MECOM: variants seen among roughly 807,000 people sequenced by gnomAD.
MECOM encodes MDS1 and EVI1 complex locus.
Under a neutral mutation model 116.3 loss-of-function variants are expected in MECOM, and 13 were observed. The observed-to-expected ratio is 0.11, with a 90% CI of 0.07 to 0.18. The LOEUF (loss-of-function observed/expected upper bound fraction) is 0.18, where lower values mean the gene tolerates loss of function less well. Among genes scored for constraint, MECOM ranks in the 10% least tolerant of loss-of-function variants. The pLI is 1.00. For missense variants in MECOM, 1,299 were observed against 1,509.0 expected, an observed-to-expected ratio of 0.86 and a Z score of 2.31; for synonymous variants, 528 against 535.2, an observed-to-expected ratio of 0.99 and a Z score of 0.19.
intron 2 of MECOM, among the ~76,000 whole-genome samples, chr3:169,264,135 A>T (rs1405135214): frequency 1.3e-5 from 2 of 152,344 alleles, no homozygotes; most frequent in East Asian, 3.9e-4. Flanking sequence ...AAATGTTATG[A>T]CATACTACTT....
intron 1 of MECOM, among the ~76,000 whole-genome samples, chr3:169,601,357 C>T (rs567899584): frequency 6.6e-6 from 1 of 152,280 alleles, no homozygotes; most frequent in East Asian, 1.9e-4. Context: ...AACTATTCTC[C>T]ACAGCATCTC....
chr3:169,353,315 G>A (rs1310804155), intron 2 of MECOM, among the ~76,000 whole-genome samples: 1 of 151,748 alleles, frequency 6.6e-6, no homozygotes, highest in Non-Finnish European at 1.5e-5. Context: ...GGAAAATAAT[G>A]TTAATACTAT....
intron 2 of MECOM, chr3:169,149,603 G>A (rs1300467924): frequency 9.1e-6 from 4 of 440,002 alleles, no homozygotes; most frequent in African/African-American, 2.0e-5. Flanking sequence ...CTCGCCCGCC[G>A]TTCCGCGTCC....
intron 1 of MECOM, among the ~76,000 whole-genome samples, chr3:169,631,465 T>G (rs549282690): frequency 3.3e-5 from 5 of 152,260 alleles, no homozygotes; most frequent in African/African-American, 7.2e-5. Context: ...TTTATTTTAC[T>G]TTATTATTAT....
At chr3:169,102,019 G>C in intron 11 of MECOM, 41 bp downstream of exon 11, 1 of 1,561,450 alleles carries the variant, frequency 6.4e-7, no homozygotes, top group Non-Finnish European at 8.7e-7. Flanking sequence ...AATCAGAGGG[G>C]AGATTTCTGG....
At position 169,100,878 on chromosome 3, in the gene MECOM, G is replaced by A; in HGVS notation, c.2849+7C>T. ...ATCAAGATATTTAGCAAATATCATT[G>A]TCAGACCTGTAAGGCTGCTCTCCTG... On this transcript the variant is annotated splice_region_variant and intron_variant, in intron 12 of 16. Coordinates refer to ENST00000651503, the MANE Select transcript of MECOM (RefSeq NM_004991.4). The A allele has an allele frequency of 6.6e-7, 1 of 1,519,500 alleles. No homozygotes were observed. Among genetic ancestry groups the A allele is most frequent in the Non-Finnish European group, 8.9e-7 (1 of 1,123,348 alleles). The allele number at this position is 1,519,500 out of a possible 1,614,324, so 94.1% of individuals were successfully genotyped here. A position where few individuals can be genotyped will look rare whatever the true frequency, so the allele number is the denominator to read the frequency against.
intron 1 of MECOM, among the ~76,000 whole-genome samples, chr3:169,556,280 C>T (rs1036114792): frequency 6.6e-5 from 10 of 152,228 alleles, no homozygotes; most frequent in African/African-American, 2.2e-4. Flanking sequence ...ACTTTATTTC[C>T]TCCCCAGGCT....
chr3:169,439,833 G>A (rs1376070311), intron 1 of MECOM, among the ~76,000 whole-genome samples: 1 of 152,042 alleles, frequency 6.6e-6, no homozygotes, highest in Non-Finnish European at 1.5e-5. Context: ...ATAAACGGTG[G>A]TATAGTCACA....
intron 1 of MECOM, among the ~76,000 whole-genome samples, chr3:169,493,901 A>G (rs181380511): frequency 6.7e-6 from 1 of 149,992 alleles, no homozygotes. Flanking sequence ...ACACACTTTG[A>G]AACAGAAGAT....
At chr3:169,318,216 G>C (rs1720117042) in intron 2 of MECOM, among the ~76,000 whole-genome samples, 1 of 152,130 alleles carries the variant, frequency 6.6e-6, no homozygotes, top group East Asian at 1.9e-4. Flanking sequence ...GATGGGCAAA[G>C]ACTTCATGAC....
chr3:169,288,108 G>A (rs1248290401), intron 2 of MECOM, among the ~76,000 whole-genome samples: 1 of 152,020 alleles, frequency 6.6e-6, no homozygotes, highest in Non-Finnish European at 1.5e-5. Flanking sequence ...ATTAGAACTT[G>A]CCTTAGTCTT....
intron 1 of MECOM, among the ~76,000 whole-genome samples, chr3:169,637,918 A>G (rs1773012174): frequency 1.3e-5 from 2 of 152,244 alleles, no homozygotes; most frequent in African/African-American, 4.8e-5. Flanking sequence ...CAAGCAATCC[A>G]GCATGAAAGG....
At position 169,206,710 on chromosome 3, in the gene MECOM, A is replaced by G. The variant is rs569449690; in HGVS notation, c.376-62878T>C. Among the ~76,000 whole-genome samples the G allele has an allele frequency of 2.0e-5, 3 of 150,170 alleles. No homozygotes were observed. In the East Asian group the frequency reaches 5.9e-4, roughly 30 times the overall value. ...GGAGGTTGCAGTGAGCCGAGATTGC[A>G]CCACGCACTCCAGCATGGGCGACAA... On this transcript the variant is annotated intron_variant, in intron 2 of 16. Transcript: ENST00000651503.
At chr3:169,504,120 T>A (rs1391430760) in intron 1 of MECOM, among the ~76,000 whole-genome samples, 1 of 148,248 alleles carries the variant, frequency 6.7e-6, no homozygotes, top group African/African-American at 2.5e-5. Flanking sequence ...AAAAGGTGAC[T>A]TCTGCTCTCA....
At chr3:169,594,176 A>AAAC (rs1553894631) in intron 1 of MECOM, among the ~76,000 whole-genome samples, 170 of 139,680 alleles carry the variant, frequency 1.2e-3, no homozygotes, top group East Asian at 5.5e-3. Flanking sequence ...AAAAAAAAAA[A>AAAC]CACCTTTTCA....
In MECOM at chr3:169,083,576, T is replaced by C. The variant is rs1023123722; in HGVS notation, c.*1333A>G. The C allele has an allele frequency of 1.6e-5, 3 of 189,116 alleles. No individual in the cohort carries two copies. The highest frequency in any genetic ancestry group is 7.0e-5 in the African/African-American group (3 of 42,892). The allele number at this position is 189,116 out of a possible 1,614,324, so 11.7% of individuals were successfully genotyped here. ...ATGCACTGAAAGGCATAACAGTTTA[T>C]ATTGTACAAAGCATTTGAAGAAAGT... On this transcript the variant is annotated 3_prime_UTR_variant, in exon 17 of 17. Transcript: ENST00000651503.
chr3:169,191,740 G>GAA (rs760490760), intron 2 of MECOM, among the ~76,000 whole-genome samples: 6,239 of 63,882 alleles, frequency 0.098, 276 homozygotes, highest in East Asian at 0.19. Flanking sequence ...AAGAAAGAAA[G>GAA]AGAAAGAAAG....
chr3:169,094,521 TTC>T (rs1401315569), intron 13 of MECOM, among the ~76,000 whole-genome samples: 2 of 152,246 alleles, frequency 1.3e-5, no homozygotes, highest in African/African-American at 4.8e-5. Context: ...TTATCTTACT[TTC>T]ATATAAGAAT....
chr3:169,177,953 A>C (rs1276755134), intron 2 of MECOM, among the ~76,000 whole-genome samples: 1 of 151,998 alleles, frequency 6.6e-6, no homozygotes, highest in South Asian at 2.1e-4. Flanking sequence ...AAAAAAGAGA[A>C]AAAGAATGTG....
Sources: gnomAD v4.1 joint callset for allele counts (sites outside exome capture counted in the v4.1 genomes callset) on GRCh38, gnomAD v4.1.1 for gene constraint, MANE v1.5 for transcripts, NCBI Gene and HGNC (gene_info 2026-07-23, HGNC 2026-07-21) for gene names.